The following CHERP variants were observed in gnomAD, a reference collection of about 807,000 sequenced individuals.
The protein encoded by CHERP is ERPROT 213-21.
A neutral mutation model predicts 113.8 loss-of-function variants in CHERP; 8 were observed. The ratio of observed to expected loss-of-function variants is 0.07; its 90% CI spans 0.04 to 0.13. The LOEUF is 0.13. Ranked by LOEUF, CHERP falls within the 10% of genes least tolerant of loss-of-function variation. The probability of loss-of-function intolerance (pLI) is 1.00; values close to 1 mark genes in which losing one functional copy is unlikely to be tolerated. For synonymous variants in CHERP, 559 were observed against 524.5 expected (o/e 1.07, Z -0.90); for missense variants, 884 against 1,298.2 (o/e 0.68, Z 4.90).
rs189359327 is a variant in CHERP at position 16,518,571 on chromosome 19, T to G, written c.*588A>C. The G allele has an allele frequency of 1.3e-5, 2 of 153,020 alleles. No homozygotes were observed. Among genetic ancestry groups the G allele is most frequent in the Admixed American group, 1.3e-4 (2 of 15,284 alleles). The allele number at this position is 153,020 out of a possible 1,614,324, so 9.5% of individuals were successfully genotyped here. On this transcript the variant is annotated 3_prime_UTR_variant, in exon 17 of 17. Coordinates refer to ENST00000546361, the MANE Select transcript of CHERP (RefSeq NM_006387.6). ...AGGTCAGTATTCTTCTTTCTAGACCTAAACCAAGGAGAGTAAAAATGAAAA... is the reference window on the plus strand; with the variant it reads ...AGGTCAGTATTCTTCTTTCTAGACCGAAACCAAGGAGAGTAAAAATGAAAA...
intron 9 of CHERP, among the ~76,000 whole-genome samples, chr19:16,526,529 G>A (rs532078559): frequency 2.7e-5 from 4 of 150,342 alleles, no homozygotes; most frequent in South Asian, 2.1e-4. Flanking sequence ...GTGCAGTGGC[G>A]CGATCTTGGC....
At chr19:16,526,604 A>T (rs964229583) in intron 9 of CHERP, among the ~76,000 whole-genome samples, 1 of 151,174 alleles carries the variant, frequency 6.6e-6, no homozygotes, top group Admixed American at 6.6e-5. Flanking sequence ...AGTAGCTGGG[A>T]TTATAGGCGC....
intron 12 of CHERP, 144 bp from the exon 13 acceptor site, chr19:16,521,056 T>A (rs977070644): frequency 1.8e-4 from 127 of 716,704 alleles, no homozygotes; most frequent in Admixed American, 1.0e-4. Flanking sequence ...GCAGTAGAGC[T>A]TGGTTCAGTG....
chr19:16,521,075 G>A, intron 12 of CHERP, 163 bp from the exon 13 acceptor site: 1 of 658,582 alleles, frequency 1.5e-6, no homozygotes, highest in Admixed American at 2.3e-5. Flanking sequence ...TGTTCCCACA[G>A]GGCTGTCCTC....
rs1188583689 is a variant in CHERP at position 16,519,554 on chromosome 19, G to A, written c.2557+67C>T. On this transcript the variant is annotated intron_variant, in intron 16 of 16. Transcript: ENST00000546361. This position sits in a 1 kb window ranked among gnomAD's most constrained non-coding sequence, Gnocchi z 6.0. ...CCACATGCACTGAGGAAGAGAAAGC[G>A]CTGGTGACTCCCGGGCCCAGCACGC... The A allele has an allele frequency of 1.5e-5, 21 of 1,423,186 alleles. No homozygotes were observed. Among genetic ancestry groups the A allele is most frequent in the East Asian group, 9.1e-5 (4 of 43,730 alleles). 88.2% of individuals were successfully genotyped at this position (1,423,186 alleles called of 1,614,324 possible).
Position 16,528,129 on chromosome 19 carries a change from G to C in CHERP, c.1256C>G (p.Pro419Arg). Residue 419 changes from proline (P) to arginine (R), a missense_variant, in exon 9 of 17, where the codon CCC becomes CGC. Pro to Arg is a moderately radical substitution (Grantham distance 103, BLOSUM62 -2). Coordinates refer to ENST00000546361, the MANE Select transcript of CHERP (RefSeq NM_006387.6). ...GPHDQIPPNK[P>R]PWFDQPHPVA... ...GGGGTGAGGCTGGTCAAACCAAGGG[G>C]GCTTGTTTGGTGGGATCTGGTCGTG... 1 of 1,613,788 alleles carries C rather than the reference G, an allele frequency of 6.2e-7. No individual in the cohort carries two copies. Among genetic ancestry groups the C allele is most frequent in the Non-Finnish European group, 8.5e-7 (1 of 1,179,966 alleles).
At chr19:16,521,009 G>C in intron 12 of CHERP, 97 bp from the exon 13 acceptor site, 3 of 1,049,018 alleles carry the variant, frequency 2.9e-6, no homozygotes, top group Non-Finnish European at 4.4e-6. Flanking sequence ...ACCTTGGAGA[G>C]TACATGGCCC....
Position 16,525,232 on chromosome 19 carries a change from G to A in CHERP, c.1741+10C>T. 7.0e-7 allele frequency: 1 copy of A among 1,424,818 alleles called. No homozygotes were observed. Among genetic ancestry groups the A allele is most frequent in the Non-Finnish European group, 9.2e-7 (1 of 1,088,054 alleles). 88.3% of individuals were successfully genotyped at this position (1,424,818 alleles called of 1,614,324 possible). On this transcript the variant is annotated intron_variant, in intron 10 of 16. Transcript: ENST00000546361. This position sits in a 1 kb window ranked among gnomAD's most constrained non-coding sequence, Gnocchi z 6.5. Reference sequence around the variant, plus strand: ...TCCGCCAGGCCCTACCCAGGCGCCCGTACACTCACCGGCAGGGAAGTCCCC... The same window carrying A: ...TCCGCCAGGCCCTACCCAGGCGCCCATACACTCACCGGCAGGGAAGTCCCC...
At position 16,519,613 on chromosome 19, in the gene CHERP, C is replaced by G. The variant is rs200329725; in HGVS notation, c.2557+8G>C. The G allele has an allele frequency of 1.2e-6, 2 of 1,613,260 alleles. No homozygotes were observed. The highest frequency in any genetic ancestry group is 1.7e-5 in the Admixed American group (1 of 60,006). On this transcript the variant is annotated splice_region_variant and intron_variant, in intron 16 of 16. Coordinates refer to ENST00000546361, the MANE Select transcript of CHERP (RefSeq NM_006387.6). This position sits in a 1 kb window ranked among gnomAD's most constrained non-coding sequence, Gnocchi z 6.0. The stretch of plus-strand genomic sequence containing the variant: ...CCATCCCGCGCCCTCCCCATTCCCT[C>G]GCCTTACCCATCTTCACCAGCATCT...
In CHERP at chr19:16,532,369, G is replaced by T; in HGVS notation, c.674+229C>A. The T allele has an allele frequency of 3.7e-6, 2 of 535,046 alleles. No homozygotes were observed. Among genetic ancestry groups the T allele is most frequent in the Non-Finnish European group, 6.6e-6 (2 of 304,000 alleles). 33.1% of individuals were successfully genotyped at this position (535,046 alleles called of 1,614,324 possible). A position where few individuals can be genotyped will look rare whatever the true frequency, so the allele number is the denominator to read the frequency against. ...TGTGACAGGTGAGGCCGGGGTCTAG[G>T]GGAGAGGACAGGGCATGCAGCGAAG... On this transcript the variant is annotated intron_variant, in intron 5 of 16. Coordinates refer to ENST00000546361, the MANE Select transcript of CHERP (RefSeq NM_006387.6). The surrounding 1 kb of genome is among the most constrained non-coding windows in gnomAD (Gnocchi z 4.4).
Position 16,519,344 on chromosome 19 carries a change from C to T in CHERP, c.2566G>A (p.Gly856Ser), listed in dbSNP as rs1235881782. The stretch of plus-strand genomic sequence containing the variant: ...TCCTTCGCACCGAGGCCGCCTGAGC[C>T]GCTCCAGCCTGGAAACAGAGACGCA... ...HQMLVKMGWSGSGGLGAKEQG... is the reference protein window; with the variant it reads ...HQMLVKMGWSSSGGLGAKEQG... The change falls in exon 17 of 17, where the codon GGC becomes AGC. Residue 856 changes from glycine (G) to serine (S), a missense_variant. By Grantham distance (56) the Gly-to-Ser change is moderately conservative (BLOSUM62 0). Transcript: ENST00000546361. The surrounding 1 kb of genome is among the most constrained non-coding windows in gnomAD (Gnocchi z 6.0). 5 of 1,610,922 alleles carry T rather than the reference C, an allele frequency of 3.1e-6. No homozygotes were observed. The highest frequency in any genetic ancestry group is 3.4e-6 in the Non-Finnish European group (4 of 1,179,422).
rs2085570514 is a variant in CHERP at position 16,518,523 on chromosome 19, A to C, written c.*636T>G. Reference sequence around the variant, plus strand: ...GTACGCCTTCGAAGAATTAGGTTTCAGAATCTCACTGGGCCTCCTCTCAGG... The same window carrying C: ...GTACGCCTTCGAAGAATTAGGTTTCCGAATCTCACTGGGCCTCCTCTCAGG... On this transcript the variant is annotated 3_prime_UTR_variant, in exon 17 of 17. Transcript: ENST00000546361. 1 of 152,262 alleles carries C rather than the reference A, an allele frequency of 6.6e-6. No individual in the cohort carries two copies. Among genetic ancestry groups the C allele is most frequent in the Non-Finnish European group, 1.5e-5 (1 of 68,070 alleles). 9.4% of individuals were successfully genotyped at this position (152,262 alleles called of 1,614,324 possible).
chr19:16,542,158 A>C (rs1205586389), intron 1 of CHERP, 115 bp from the exon 2 acceptor site: 1 of 1,262,384 alleles, frequency 7.9e-7, no homozygotes, highest in East Asian at 2.6e-5. Flanking sequence ...GTGGGCCCCG[A>C]AGAGGCCGCC....
At position 16,525,876 on chromosome 19, in the gene CHERP, G is replaced by A. The variant is rs142784130; in HGVS notation, c.1306-199C>T. Reference sequence around the variant, plus strand: ...CCCGCACCACATGCTGCTGCAAAATGACCAGACACCCAACCGCTGCACCCG... The same window carrying A: ...CCCGCACCACATGCTGCTGCAAAATAACCAGACACCCAACCGCTGCACCCG... On this transcript the variant is annotated intron_variant, in intron 9 of 16. Coordinates refer to ENST00000546361, the MANE Select transcript of CHERP (RefSeq NM_006387.6). The surrounding 1 kb of genome is among the most constrained non-coding windows in gnomAD (Gnocchi z 6.5). 4.8e-3 allele frequency among the ~76,000 whole-genome samples: 733 copies of A among 152,286 alleles called. 3 individuals are homozygous for A. The highest frequency in any genetic ancestry group is 0.015 in the African/African-American group (640 of 41,554).
At chr19:16,539,163 T>C (rs1420339329) in intron 2 of CHERP, among the ~76,000 whole-genome samples, 1 of 150,704 alleles carries the variant, frequency 6.6e-6, no homozygotes, top group Non-Finnish European at 1.5e-5. Context: ...TTTTTTTTTT[T>C]TTGAGACGGA....
chr19:16,530,698 C>G lies in CHERP; in HGVS notation c.787-24G>C, dbSNP rs1409796557. ...AGCTGGCGGTGGGAGGAGAGAGAGG[C>G]CGGGTCAGTGGGGAGGGGAAAGGCC... On this transcript the variant is annotated intron_variant, in intron 6 of 16. Coordinates refer to ENST00000546361, the MANE Select transcript of CHERP (RefSeq NM_006387.6). The surrounding 1 kb of genome is among the most constrained non-coding windows in gnomAD (Gnocchi z 4.1). The G allele has an allele frequency of 6.2e-7, 1 of 1,613,944 alleles. No homozygotes were observed. Among genetic ancestry groups the G allele is most frequent in the Non-Finnish European group, 8.5e-7 (1 of 1,179,890 alleles).
Position 16,520,371 on chromosome 19 carries a change from T to TGGAGCGGGAGTAGGAACG in CHERP, c.2320_2337dup (p.Tyr776_Ser781dup), listed in dbSNP as rs764993097. The TGGAGCGGGAGTAGGAACG allele has an allele frequency of 1.4e-5, 23 of 1,612,256 alleles. No individual in the cohort carries two copies. The highest frequency in any genetic ancestry group is 2.0e-5 in the Non-Finnish European group (23 of 1,178,864). ...GAGGCAGCCTCTGCCTACCTAGATC[T>TGGAGCGGGAGTAGGAACG]GGAGCGGGAGTAGGAACGGGAGCAG... is the stretch of plus-strand genomic sequence containing the variant. On this transcript the variant is annotated inframe_insertion, in exon 14 of 17. Coordinates refer to ENST00000546361, the MANE Select transcript of CHERP (RefSeq NM_006387.6). This position sits in a 1 kb window ranked among gnomAD's most constrained non-coding sequence, Gnocchi z 4.0.
At chr19:16,521,811 T>C (rs2085618163) in intron 11 of CHERP, among the ~76,000 whole-genome samples, 157 bp from the exon 12 acceptor site, 2 of 152,056 alleles carry the variant, frequency 1.3e-5, no homozygotes, top group African/African-American at 4.8e-5. Flanking sequence ...GGGATCCCAC[T>C]CTCTTGTAGG....
rs910945087 is a variant in CHERP, at chr19:16,535,213, A to G, written c.384+239T>C. Among the ~76,000 whole-genome samples, 3 of 152,212 alleles carry G rather than the reference A, an allele frequency of 2.0e-5. No homozygotes were observed. Among genetic ancestry groups the G allele is most frequent in the African/African-American group, 4.8e-5 (2 of 41,462 alleles). Reference sequence around the variant, plus strand: ...GCATACGTGCCCCACAGTCCCACTCAGGGGGGTCCACCCCAGGGTGATGGG... The same window carrying G: ...GCATACGTGCCCCACAGTCCCACTCGGGGGGGTCCACCCCAGGGTGATGGG... On this transcript the variant is annotated intron_variant, in intron 3 of 16. Transcript: ENST00000546361. The surrounding 1 kb of genome is among the most constrained non-coding windows in gnomAD (Gnocchi z 4.3).
Sources: allele counts gnomAD v4.1 joint callset (sites outside exome capture counted in the v4.1 genomes callset), GRCh38; gene constraint gnomAD v4.1.1; non-coding constraint Gnocchi (gnomAD v3.1); transcripts MANE v1.5; gene names NCBI Gene and HGNC (gene_info 2026-07-23, HGNC 2026-07-21).